The following THEMIS variants were observed in gnomAD, a reference collection of about 807,000 sequenced individuals.
THEMIS encodes protein THEMIS.
In THEMIS, 37 loss-of-function variants were observed where a neutral mutation model predicts 52.6. That is an observed-to-expected ratio of 0.70 (90% CI 0.54 to 0.93). The LOEUF is 0.93. Ranked by LOEUF, THEMIS falls within the 40% of genes least tolerant of loss-of-function variation. The pLI is 0.00. For synonymous variants in THEMIS, 292 were observed against 272.7 expected (o/e 1.07, Z -0.70); for missense variants, 808 against 763.1 (o/e 1.06, Z -0.69).
chr6:127,849,562 C>G (rs1257183950), intron 2 of THEMIS, among the ~76,000 whole-genome samples: 1 of 151,822 alleles, frequency 6.6e-6, no homozygotes, highest in South Asian at 2.1e-4. Context: ...ACCAATGGAA[C>G]AGAATACAGA....
rs531084978 is a variant in THEMIS at position 127,824,609 on chromosome 6, G to T, written c.709+4867C>A. Among the ~76,000 whole-genome samples the T allele has an allele frequency of 2.1e-4, 32 of 149,920 alleles. No homozygotes were observed. The South Asian group carries it at 6.7e-3, about 31-fold the overall frequency. On this transcript the variant is annotated intron_variant, in intron 3 of 5. Coordinates refer to ENST00000368248, the MANE Select transcript of THEMIS (RefSeq NM_001010923.3). ...GATACACCAAAACTTAAAAAAAAAA[G>T]AACCCCAAAAGAGGAAGATATTTTG...
At position 127,819,965 on chromosome 6, in the gene THEMIS, T is replaced by C. The variant is rs192761832; in HGVS notation, c.710-6034A>G. 8.8e-4 allele frequency among the ~76,000 whole-genome samples: 134 copies of C among 152,260 alleles called. 2 individuals are homozygous for C. The highest frequency in any genetic ancestry group is 5.6e-3 in the Admixed American group (86 of 15,300). On this transcript the variant is annotated intron_variant, in intron 3 of 5. Coordinates refer to ENST00000368248, the MANE Select transcript of THEMIS (RefSeq NM_001010923.3). ...ATAATTGTAGCAATATTTTGGATGA[T>C]TATAGCACACAGATAAGTGAAATGA... is the stretch of plus-strand genomic sequence containing the variant.
intron 4 of THEMIS, among the ~76,000 whole-genome samples, chr6:127,754,115 T>A (rs1775740431): frequency 6.6e-6 from 1 of 152,110 alleles, no homozygotes; most frequent in Non-Finnish European, 1.5e-5. Context: ...AGAAGTTGCT[T>A]AATATTTATT....
intron 4 of THEMIS, among the ~76,000 whole-genome samples, chr6:127,799,964 T>A (rs1159933416): frequency 6.6e-6 from 1 of 152,210 alleles, no homozygotes; most frequent in East Asian, 1.9e-4. Context: ...AAGCATCAAT[T>A]AGCCATGGCT....
chr6:127,813,491 A>G lies in THEMIS; in HGVS notation c.1150T>C (p.Ser384Pro). Residue 384 changes from serine to proline, a missense_variant, in exon 4 of 6, where the codon TCT becomes CCT. Physicochemically the swap from Ser to Pro is moderately conservative, Grantham distance 74. Coordinates refer to ENST00000368248, the MANE Select transcript of THEMIS (RefSeq NM_001010923.3). ...TGCACCAGAAACTGGTCCCCAACAG[A>G]TACGGATGACAGCTTGTCATGAGGG... ...HSPHDKLSSV[S>P]VGDQFLVHQS... 2 of 1,613,948 alleles carry G rather than the reference A, an allele frequency of 1.2e-6. No individual in the cohort carries two copies. The highest frequency in any genetic ancestry group is 1.1e-5 in the South Asian group (1 of 91,046).
intron 5 of THEMIS, among the ~76,000 whole-genome samples, chr6:127,714,377 A>G (rs1357778995): frequency 6.6e-6 from 1 of 151,906 alleles, no homozygotes; most frequent in African/African-American, 2.4e-5. Context: ...TTTGAAATTT[A>G]TAAAATTTTT....
chr6:127,824,070 A>T (rs1309638549), intron 3 of THEMIS, among the ~76,000 whole-genome samples: 1 of 152,172 alleles, frequency 6.6e-6, no homozygotes, highest in African/African-American at 2.4e-5. Flanking sequence ...AGGTGAAGCC[A>T]GGAGGCTAAA....
chr6:127,784,656 T>G (rs1776862190), intron 4 of THEMIS, among the ~76,000 whole-genome samples: 1 of 152,170 alleles, frequency 6.6e-6, no homozygotes, highest in African/African-American at 2.4e-5. Flanking sequence ...TTTCTTTTGT[T>G]TTTTAATGTC....
the THEMIS span, among the ~76,000 whole-genome samples, chr6:127,701,268 T>C: frequency 6.6e-6 from 1 of 152,154 alleles, no homozygotes; most frequent in Admixed American, 6.5e-5. Flanking sequence ...AATACTATTT[T>C]GTGTCTAATT....
At chr6:127,704,438 A>C (rs1023748103), downstream of THEMIS, among the ~76,000 whole-genome samples, 7 of 152,194 alleles carry the variant, frequency 4.6e-5, no homozygotes, top group African/African-American at 1.4e-4. Context: ...ATAGATAAAG[A>C]TAGTGTATGA....
At chr6:127,732,159 T>C (rs1050942153) in intron 4 of THEMIS, among the ~76,000 whole-genome samples, 7 of 151,944 alleles carry the variant, frequency 4.6e-5, no homozygotes, top group African/African-American at 1.7e-4. Flanking sequence ...AAATATATTG[T>C]TAATCATTAT....
chr6:127,719,792 T>C lies in THEMIS; in HGVS notation c.1790A>G (p.His597Arg), dbSNP rs373540072. ...RHHVDITKKL[H>R]PNQAGLDSKV... ...TGAATCCAGGCCAGCTTGATTTGGG[T>C]GAAGTTTCTTGGTTATGTCTACGTG... Residue 597 changes from histidine (H) to arginine (R), a missense_variant, in exon 5 of 6, where the codon CAC becomes CGC. Coordinates refer to ENST00000368248, the MANE Select transcript of THEMIS (RefSeq NM_001010923.3). 5.0e-6 allele frequency: 8 copies of C among 1,612,292 alleles called. No individual in the cohort carries two copies. The highest frequency in any genetic ancestry group is 5.9e-6 in the Non-Finnish European group (7 of 1,178,946).
At chr6:127,764,883 AG>A (rs1260104602) in intron 4 of THEMIS, among the ~76,000 whole-genome samples, 2 of 152,004 alleles carry the variant, frequency 1.3e-5, no homozygotes, top group Non-Finnish European at 2.9e-5. Context: ...CAATTGCAGT[AG>A]GAGTTTATGC....
chr6:127,879,125 T>A (rs1780400548), intron 1 of THEMIS, among the ~76,000 whole-genome samples: 1 of 152,248 alleles, frequency 6.6e-6, no homozygotes, highest in Non-Finnish European at 1.5e-5. Context: ...ATGCTATTTC[T>A]AATGCACAGA....
At chr6:127,912,503 T>G (rs1408590234) in intron 1 of THEMIS, among the ~76,000 whole-genome samples, 1 of 152,206 alleles carries the variant, frequency 6.6e-6, no homozygotes, top group Admixed American at 6.5e-5. Flanking sequence ...TCAATCTGCA[T>G]CTTACTCAAG....
upstream of THEMIS, among the ~76,000 whole-genome samples, chr6:127,902,473 TAC>T (rs148759947): frequency 0.026 from 3,883 of 152,108 alleles, 154 homozygotes; most frequent in African/African-American, 0.085. Context: ...CATAGCCACA[TAC>T]AGAGGGTCAG....
intron 4 of THEMIS, among the ~76,000 whole-genome samples, chr6:127,793,980 A>C (rs1293814680): frequency 6.6e-6 from 1 of 152,186 alleles, no homozygotes; most frequent in Non-Finnish European, 1.5e-5. Context: ...TTTTCCCCCA[A>C]AAAAGCATCG....
intron 4 of THEMIS, among the ~76,000 whole-genome samples, chr6:127,721,131 CA>C (rs1259542413): frequency 1.3e-5 from 2 of 151,998 alleles, no homozygotes; most frequent in Non-Finnish European, 2.9e-5. Context: ...GCAGATTGAA[CA>C]TGAGATGGGC....
chr6:127,806,745 T>C (rs181554014), intron 4 of THEMIS, among the ~76,000 whole-genome samples: 1 of 152,322 alleles, frequency 6.6e-6, no homozygotes, highest in East Asian at 1.9e-4. Context: ...ACACAGTACA[T>C]GTCATGCCTA....
Sources: allele counts gnomAD v4.1 joint callset (sites outside exome capture counted in the v4.1 genomes callset), GRCh38; gene constraint gnomAD v4.1.1; transcripts MANE v1.5; gene names NCBI Gene and HGNC (gene_info 2026-07-23, HGNC 2026-07-21).